GOSR2: variants seen among roughly 807,000 people sequenced by gnomAD.
The protein encoded by GOSR2 is golgi SNAP receptor complex member 2, also known as 27 kDa Golgi SNARE protein.
In GOSR2, 20 loss-of-function variants were observed where a neutral mutation model predicts 27.9. The observed-to-expected ratio is 0.72, with a 90% CI of 0.50 to 1.04. The LOEUF (loss-of-function observed/expected upper bound fraction) is 1.04. Among genes scored for constraint, GOSR2 ranks in the 50% least tolerant of loss-of-function variants. GOSR2 has a pLI of 0.00. For synonymous variants in GOSR2, 91 were observed against 98.8 expected, an observed-to-expected ratio of 0.92 and a Z score of 0.47; for missense variants, 261 against 270.5, an observed-to-expected ratio of 0.97 and a Z score of 0.25.
chr17:46,930,953 G>T, intron 2 of GOSR2, 146 bp from the exon 3 acceptor site: 1 of 642,060 alleles, frequency 1.6e-6, no homozygotes, highest in Non-Finnish European at 2.8e-6. Context: ...AATTTTTTCT[G>T]TTATTCATTA....
intron 6 of GOSR2, among the ~76,000 whole-genome samples, chr17:46,947,769 A>G (rs1028165031): frequency 6.6e-6 from 1 of 152,030 alleles, no homozygotes; most frequent in Non-Finnish European, 1.5e-5. Context: ...CACTAGAAAT[A>G]GTTTTTTTTT....
downstream of GOSR2, among the ~76,000 whole-genome samples, chr17:46,946,487 G>T (rs1272809730): frequency 6.8e-6 from 1 of 146,300 alleles, no homozygotes; most frequent in Non-Finnish European, 1.5e-5. Flanking sequence ...AAAGTAGGTG[G>T]CCTGGGATAT....
chr17:46,926,331 T>C (rs1454506943), intron 1 of GOSR2, among the ~76,000 whole-genome samples: 1 of 152,116 alleles, frequency 6.6e-6, no homozygotes, highest in Non-Finnish European at 1.5e-5. Context: ...ATGTTCATCA[T>C]GGTCAGAGGC....
intron 6 of GOSR2, among the ~76,000 whole-genome samples, chr17:46,952,501 G>A (rs1190274002): frequency 6.6e-6 from 1 of 152,192 alleles, no homozygotes; most frequent in East Asian, 1.9e-4. Flanking sequence ...AGACTTTCTT[G>A]CAGGTAGGGG....
intron 4 of GOSR2, chr17:46,933,711 G>A (rs563682051): frequency 1.3e-5 from 2 of 149,392 alleles, no homozygotes; most frequent in South Asian, 2.1e-4. Context: ...AATGACACAC[G>A]CCTGTGATCC....
chr17:46,974,359 A>G (rs79849610), intron 6 of GOSR2, among the ~76,000 whole-genome samples: 2 of 152,214 alleles, frequency 1.3e-5, no homozygotes, highest in Non-Finnish European at 2.9e-5. Flanking sequence ...AAGATCAGTA[A>G]ACAGAATCTT....
intron 6 of GOSR2, among the ~76,000 whole-genome samples, chr17:46,962,789 A>G (rs1414894525): frequency 6.6e-6 from 1 of 152,260 alleles, no homozygotes; most frequent in Non-Finnish European, 1.5e-5. Context: ...GTTAACCTGC[A>G]GGATCATGAA....
chr17:46,970,415 C>T (rs562994840), downstream of GOSR2, among the ~76,000 whole-genome samples: 3 of 151,854 alleles, frequency 2.0e-5, no homozygotes, highest in East Asian at 3.9e-4. Flanking sequence ...GTGGTGGACA[C>T]CTGTTATCCC....
chr17:46,945,233 C>A (rs535407846), downstream of GOSR2, among the ~76,000 whole-genome samples: 2 of 152,312 alleles, frequency 1.3e-5, no homozygotes, highest in East Asian at 3.9e-4. Flanking sequence ...GTGCTGTCTT[C>A]TGCACGACAT....
chr17:46,974,139 C>T (rs530644937), intron 6 of GOSR2, among the ~76,000 whole-genome samples: 7 of 152,348 alleles, frequency 4.6e-5, no homozygotes, highest in East Asian at 3.9e-4. Context: ...GTACTATCCC[C>T]GACTCAGAGG....
chr17:46,929,809 A>G (rs1241464352), intron 2 of GOSR2: 4 of 529,520 alleles, frequency 7.6e-6, no homozygotes, highest in Non-Finnish European at 1.4e-5. Flanking sequence ...ACTCAACCTG[A>G]CATGGCCCTA....
chr17:46,956,497 T>C (rs982303375), intron 6 of GOSR2, among the ~76,000 whole-genome samples: 2 of 152,090 alleles, frequency 1.3e-5, no homozygotes, highest in African/African-American at 4.8e-5. Context: ...GGTTTCTGTC[T>C]CTACTGGTTG....
At position 46,932,044 on chromosome 17, in the gene GOSR2, ATCTC is replaced by A. The variant is rs1299045620; in HGVS notation, c.204-16_204-13del. The A allele has an allele frequency of 1.2e-6, 2 of 1,610,862 alleles. No homozygotes were observed. The highest frequency in any genetic ancestry group is 1.7e-6 in the Non-Finnish European group (2 of 1,177,104). On this transcript the variant is annotated intron_variant, in intron 3 of 5. Coordinates refer to ENST00000640051, the MANE Select transcript of GOSR2 (RefSeq NM_004287.5). ...TGCTGCCCTGAGTTCCTGGAATTTA[ATCTC>A]TCTCTCCATCAATTCCAGTCGGGTT...
intron 4 of GOSR2, among the ~76,000 whole-genome samples, chr17:46,934,305 C>A (rs2087899351): frequency 6.6e-6 from 1 of 151,968 alleles, no homozygotes; most frequent in African/African-American, 2.4e-5. Context: ...GAGTTGGAGA[C>A]CAGCCTGAGC....
At chr17:46,973,350 T>TG (rs1256417657) in intron 6 of GOSR2, among the ~76,000 whole-genome samples, 2 of 152,026 alleles carry the variant, frequency 1.3e-5, no homozygotes, top group East Asian at 1.9e-4. Context: ...GCCATATAGA[T>TG]GGGGGTCCCA....
At chr17:46,931,438 G>C in intron 3 of GOSR2, 1 of 555,686 alleles carries the variant, frequency 1.8e-6, no homozygotes, top group Non-Finnish European at 3.2e-6. Flanking sequence ...TACCTCTTTG[G>C]TGTCATTTTG....
At chr17:46,935,351 C>T (rs1402695402) in intron 5 of GOSR2, 182 bp downstream of exon 5, 4 of 1,460,288 alleles carry the variant, frequency 2.7e-6, no homozygotes, top group African/African-American at 2.8e-5. Flanking sequence ...TGAAAGTACC[C>T]AGTTCCTTTG....
chr17:46,945,152 G>A (rs891969455), downstream of GOSR2, among the ~76,000 whole-genome samples: 20 of 152,218 alleles, frequency 1.3e-4, no homozygotes, highest in Middle Eastern at 3.2e-3. Context: ...GAGCAGTCGA[G>A]GGGCAGGAGT....
intron 6 of GOSR2, among the ~76,000 whole-genome samples, chr17:46,974,056 G>A (rs2091420923): frequency 6.6e-6 from 1 of 152,220 alleles, no homozygotes; most frequent in Non-Finnish European, 1.5e-5. Flanking sequence ...AAGTGGATGT[G>A]GTGATGTAAG....
Sources: allele counts gnomAD v4.1 joint callset (sites outside exome capture counted in the v4.1 genomes callset), GRCh38; gene constraint gnomAD v4.1.1; transcripts MANE v1.5; gene names NCBI Gene and HGNC (gene_info 2026-07-23, HGNC 2026-07-21).